The following SUSD4 variants were observed in gnomAD, a reference collection of about 807,000 sequenced individuals.
SUSD4 encodes sushi domain containing 4.
Under a neutral mutation model 50.5 loss-of-function variants are expected in SUSD4, and 41 were observed. That is an observed-to-expected ratio of 0.81 (90% CI 0.63 to 1.05). The LOEUF (loss-of-function observed/expected upper bound fraction) is 1.05. Among genes scored for constraint, SUSD4 ranks in the 50% least tolerant of loss-of-function variants. The probability of loss-of-function intolerance (pLI) is 0.00; values close to 1 mark genes in which losing one functional copy is unlikely to be tolerated. For synonymous variants in SUSD4, 257 were observed against 257.3 expected, an observed-to-expected ratio of 1.00 and a Z score of 0.01; for missense variants, 580 against 634.7, an observed-to-expected ratio of 0.91 and a Z score of 0.93.
At chr1:223,265,714 A>T (rs867997190) in intron 4 of SUSD4, among the ~76,000 whole-genome samples, 3 of 152,312 alleles carry the variant, frequency 2.0e-5, no homozygotes, top group South Asian at 2.1e-4. Context: ...AGCCAGTAGA[A>T]CACTCCTGGT....
intron 3 of SUSD4, among the ~76,000 whole-genome samples, chr1:223,290,101 T>C (rs926159515): frequency 3.3e-5 from 5 of 152,236 alleles, no homozygotes; most frequent in Non-Finnish European, 7.3e-5. Flanking sequence ...TAAATTATTA[T>C]TGTTACCATT....
chr1:223,348,106 A>G (rs1228915667), intron 2 of SUSD4, among the ~76,000 whole-genome samples: 1 of 151,176 alleles, frequency 6.6e-6, no homozygotes, highest in Admixed American at 6.6e-5. Flanking sequence ...TTCAAATGGA[A>G]AAAAAAAAAA....
intron 2 of SUSD4, among the ~76,000 whole-genome samples, chr1:223,315,933 T>C (rs1027175708): frequency 6.6e-6 from 1 of 152,198 alleles, no homozygotes; most frequent in Non-Finnish European, 1.5e-5. Flanking sequence ...CTTAGAAGCC[T>C]ACATTTACAA....
At chr1:223,257,859 G>A (rs1363196107) in intron 5 of SUSD4, among the ~76,000 whole-genome samples, 3 of 152,174 alleles carry the variant, frequency 2.0e-5, no homozygotes, top group East Asian at 1.9e-4. Flanking sequence ...GCCCTGATTC[G>A]GGTCTGGGGA....
chr1:223,327,880 T>G (rs1463173495), intron 2 of SUSD4, among the ~76,000 whole-genome samples: 1 of 152,162 alleles, frequency 6.6e-6, no homozygotes, highest in Non-Finnish European at 1.5e-5. Context: ...CTCTAATCAT[T>G]TGGAAAGCAG....
At chr1:223,232,856 C>A (rs942773123) in intron 5 of SUSD4, among the ~76,000 whole-genome samples, 1 of 152,172 alleles carries the variant, frequency 6.6e-6, no homozygotes, top group Admixed American at 6.5e-5. Flanking sequence ...CTTAGCTTTC[C>A]CATCTGTCTA....
intron 3 of SUSD4, among the ~76,000 whole-genome samples, chr1:223,270,945 C>T (rs919275291): frequency 1.3e-5 from 2 of 152,158 alleles, no homozygotes; most frequent in African/African-American, 2.4e-5. Context: ...ACCCCAATCC[C>T]AGAATAATCC....
intron 5 of SUSD4, among the ~76,000 whole-genome samples, chr1:223,243,483 T>C (rs1660722611): frequency 6.6e-6 from 1 of 152,178 alleles, no homozygotes; most frequent in African/African-American, 2.4e-5. Flanking sequence ...CTGCCCCTTT[T>C]GGTGAATGCT....
intron 2 of SUSD4, among the ~76,000 whole-genome samples, chr1:223,322,897 C>G (rs1666661425): frequency 6.6e-6 from 1 of 152,124 alleles, no homozygotes; most frequent in Non-Finnish European, 1.5e-5. Context: ...AATCATGCTC[C>G]CTGCAGCCTT....
intron 5 of SUSD4, among the ~76,000 whole-genome samples, chr1:223,261,697 C>T (rs1662131775): frequency 6.6e-6 from 1 of 152,154 alleles, no homozygotes; most frequent in Non-Finnish European, 1.5e-5. Flanking sequence ...CCTGAACAAC[C>T]AAAATTGTGT....
At chr1:223,285,233 C>A (rs1664057939) in intron 3 of SUSD4, among the ~76,000 whole-genome samples, 1 of 152,074 alleles carries the variant, frequency 6.6e-6, no homozygotes, top group Non-Finnish European at 1.5e-5. Context: ...AAAACAAGGG[C>A]AACATGCAGA....
intron 2 of SUSD4, among the ~76,000 whole-genome samples, chr1:223,310,934 A>C (rs893709856): frequency 6.6e-6 from 1 of 152,192 alleles, no homozygotes; most frequent in South Asian, 2.1e-4. Flanking sequence ...CAAATAACAT[A>C]ATGTCCCTTT....
At chr1:223,285,818 C>G (rs756240248) in intron 3 of SUSD4, among the ~76,000 whole-genome samples, 3 of 152,112 alleles carry the variant, frequency 2.0e-5, no homozygotes, top group Non-Finnish European at 4.4e-5. Context: ...AAGTGGGGAA[C>G]CACACACACC....
At chr1:223,245,900 G>A (rs1417449266) in intron 5 of SUSD4, among the ~76,000 whole-genome samples, 1 of 152,220 alleles carries the variant, frequency 6.6e-6, no homozygotes, top group African/African-American at 2.4e-5. Context: ...TACTGACTAT[G>A]CTAGGTTTTT....
At chr1:223,245,414 G>T (rs986754775) in intron 5 of SUSD4, among the ~76,000 whole-genome samples, 11 of 152,012 alleles carry the variant, frequency 7.2e-5, no homozygotes, top group Non-Finnish European at 1.5e-4. Context: ...TCCAGGAAGT[G>T]CTGGAGGAGG....
chr1:223,290,941 A>G lies in SUSD4; in HGVS notation c.361+1498T>C, dbSNP rs547254543. Among the ~76,000 whole-genome samples, 16 of 152,220 alleles carry G rather than the reference A, an allele frequency of 1.1e-4. No homozygotes were observed. The South Asian group carries it at 3.3e-3, about 32-fold the overall frequency. On this transcript the variant is annotated intron_variant, in intron 3 of 8. Coordinates refer to ENST00000366878, the MANE Select transcript of SUSD4 (RefSeq NM_017982.4). ...CATAAGCCATAGGTTTTGGCAGGGA[A>G]GTCTATATACATATATATATATATA...
intron 3 of SUSD4, among the ~76,000 whole-genome samples, chr1:223,284,705 G>C (rs1208864525): frequency 6.6e-6 from 1 of 152,092 alleles, no homozygotes; most frequent in Admixed American, 6.5e-5. Flanking sequence ...TGTCATTGAT[G>C]GCAACGTGGA....
At chr1:223,271,981 C>G (rs1189945535) in intron 3 of SUSD4, among the ~76,000 whole-genome samples, 2 of 152,196 alleles carry the variant, frequency 1.3e-5, no homozygotes, top group Non-Finnish European at 2.9e-5. Flanking sequence ...AATCCCAACA[C>G]TTTGGGAGGC....
intron 2 of SUSD4, among the ~76,000 whole-genome samples, chr1:223,311,565 T>C (rs1665875871): frequency 6.6e-6 from 1 of 152,234 alleles, no homozygotes; most frequent in Non-Finnish European, 1.5e-5. Flanking sequence ...GTTACAGTAG[T>C]GACGGAGGTA....
Sources: allele counts gnomAD v4.1 joint callset (sites outside exome capture counted in the v4.1 genomes callset), GRCh38; gene constraint gnomAD v4.1.1; transcripts MANE v1.5; gene names NCBI Gene and HGNC (gene_info 2026-07-23, HGNC 2026-07-21).